The following CFAP47 variants were observed in gnomAD, a reference collection of about 807,000 sequenced individuals.
CFAP47 encodes the protein cilia and flagella associated protein 47, also known as cilia- and flagella-associated protein 47.
A neutral mutation model predicts 148.1 loss-of-function variants in CFAP47; 29 were observed. The ratio of observed to expected loss-of-function variants is 0.20; its 90% CI spans 0.15 to 0.27. CFAP47 has a LOEUF of 0.27. Among genes scored for constraint, CFAP47 ranks in the 10% least tolerant of loss-of-function variants. CFAP47 has a pLI of 1.00. For synonymous variants in CFAP47, 664 were observed against 577.3 expected (o/e 1.15, Z -2.15); for missense variants, 1,872 against 1,697.5 (o/e 1.10, Z -1.81).
chrX:36,034,100 A>G (rs1367701748), intron 23 of CFAP47, among the ~76,000 whole-genome samples: 1 of 111,826 alleles, frequency 8.9e-6, no homozygotes. Flanking sequence ...CAACCAGGAT[A>G]GCACATTGCA....
At chrX:36,070,728 G>A (rs1937735234) in intron 27 of CFAP47, among the ~76,000 whole-genome samples, 1 of 110,858 alleles carries the variant, frequency 9.0e-6, no homozygotes, top group African/African-American at 3.3e-5. Flanking sequence ...CTGACCTCAG[G>A]TGATCCGCCC....
At chrX:36,336,261 A>G (rs944239156) in intron 57 of CFAP47, among the ~76,000 whole-genome samples, 7 of 102,019 alleles carry the variant, frequency 6.9e-5, no homozygotes, top group African/African-American at 2.6e-4. Flanking sequence ...ACACACACAC[A>G]CACACACACA....
chrX:36,225,720 T>G (rs1555991416), intron 45 of CFAP47, among the ~76,000 whole-genome samples: 2 of 111,214 alleles, frequency 1.8e-5, no homozygotes, highest in Admixed American at 1.9e-4. Flanking sequence ...ATTGGGCCCA[T>G]GTACTTCTTG....
At position 36,085,462 on chromosome X, in the gene CFAP47, T is replaced by A. The variant is rs768543890; in HGVS notation, c.4840T>A (p.Ser1614Thr). The A allele has an allele frequency of 1.1e-5, 13 of 1,207,072 alleles. No individual in the cohort carries two copies. The highest frequency in any genetic ancestry group is 1.5e-5 in the Non-Finnish European group (13 of 892,208). ...GCCACCTGGAATTAATTCAAGTCAATCTTTACCTGTAGATAACCATGAAAA... is the reference window on the plus strand; with the variant it reads ...GCCACCTGGAATTAATTCAAGTCAAACTTTACCTGTAGATAACCATGAAAA... ...KMPPGINSSQ[S>T]LPVDNHEKRV... Residue 1614 changes from serine to threonine, a missense_variant, in exon 30 of 64, where the codon TCT (serine) becomes ACT (threonine). Physicochemically the swap from Ser to Thr is moderately conservative, Grantham distance 58. Coordinates refer to ENST00000378653, the MANE Select transcript of CFAP47 (RefSeq NM_001304548.2).
At chrX:36,072,281 G>A (rs1937769958) in intron 28 of CFAP47, among the ~76,000 whole-genome samples, 2 of 111,916 alleles carry the variant, frequency 1.8e-5, no homozygotes, top group Non-Finnish European at 3.8e-5. Context: ...TAGTACTTAT[G>A]TGCTGTCTAA....
intron 25 of CFAP47, among the ~76,000 whole-genome samples, chrX:36,041,967 A>C (rs1054445775): frequency 5.5e-5 from 6 of 109,235 alleles, no homozygotes; most frequent in African/African-American, 2.0e-4. Flanking sequence ...CGTGTATGTA[A>C]GATAGATCAT....
chrX:36,120,731 A>G (rs1305984769), intron 33 of CFAP47, among the ~76,000 whole-genome samples: 1 of 107,180 alleles, frequency 9.3e-6, no homozygotes, highest in Non-Finnish European at 1.9e-5. Context: ...AAGATGCTTG[A>G]TATGATTCAT....
intron 45 of CFAP47, among the ~76,000 whole-genome samples, chrX:36,210,151 G>T (rs1323488564): frequency 5.3e-5 from 6 of 112,276 alleles, no homozygotes; most frequent in Non-Finnish European, 9.4e-5. Flanking sequence ...CATGAATAAT[G>T]CTGCTATCAA....
chrX:35,957,684 C>T (rs1936266887), intron 8 of CFAP47, among the ~76,000 whole-genome samples: 1 of 111,896 alleles, frequency 8.9e-6, no homozygotes, highest in Non-Finnish European at 1.9e-5. Context: ...TCTTTCAAAA[C>T]ATATCTAATA....
intron 30 of CFAP47, among the ~76,000 whole-genome samples, chrX:36,091,538 A>T (rs1304238835): frequency 9.0e-6 from 1 of 111,703 alleles, no homozygotes; most frequent in Non-Finnish European, 1.9e-5. Context: ...ATTTAAATCT[A>T]TACCAATTTG....
rs183370307 is a variant in CFAP47 at position 36,029,748 on chromosome X, G to A, written c.3557-1505G>A. ...ATGTCATATATGTGTATATATATGC[G>A]TATATATATTTATTTATTATCTTAG... On this transcript the variant is annotated intron_variant, in intron 22 of 63. Coordinates refer to ENST00000378653, the MANE Select transcript of CFAP47 (RefSeq NM_001304548.2). Among the ~76,000 whole-genome samples, 607 of 109,345 alleles carry A rather than the reference G, an allele frequency of 5.6e-3. 6 individuals are homozygous for A. Among genetic ancestry groups the A allele is most frequent in the African/African-American group, 0.018 (559 of 30,307 alleles). The allele number at this position is 109,345 out of a possible 115,157, so 95.0% of individuals were successfully genotyped here.
chrX:36,214,829 T>C (rs1490948237), intron 45 of CFAP47, among the ~76,000 whole-genome samples: 9 of 111,053 alleles, frequency 8.1e-5, no homozygotes, highest in African/African-American at 2.9e-4. Flanking sequence ...CAATATTTTA[T>C]TTTGGAATAC....
At chrX:36,052,465 C>G (rs921054384) in intron 26 of CFAP47, among the ~76,000 whole-genome samples, 1 of 111,888 alleles carries the variant, frequency 8.9e-6, no homozygotes, top group African/African-American at 3.2e-5. Flanking sequence ...AATTAGAATT[C>G]TTACATTTTT....
At chrX:36,103,574 T>C (rs1272776764) in intron 32 of CFAP47, among the ~76,000 whole-genome samples, 1 of 101,745 alleles carries the variant, frequency 9.8e-6, no homozygotes, top group Non-Finnish European at 2.0e-5. Context: ...TAAGCAAGCT[T>C]CAGAATGTAA....
intron 36 of CFAP47, among the ~76,000 whole-genome samples, chrX:36,148,901 A>ATGTGTGTGTGTGTGTGTGTGTGTGTG: frequency 1.1e-5 from 1 of 92,268 alleles, no homozygotes; most frequent in African/African-American, 4.1e-5. Flanking sequence ...AACTGTATGT[A>ATGTGTGTGTGTGTGTGTGTGTGTGTG]TGTGTGTGTG....
At chrX:36,100,537 G>T (rs2146792364) in intron 32 of CFAP47, among the ~76,000 whole-genome samples, 1 of 111,942 alleles carries the variant, frequency 8.9e-6, no homozygotes, top group Non-Finnish European at 1.9e-5. Flanking sequence ...TTCAGTGCTT[G>T]AATAATTCCT....
At chrX:36,302,254 T>A (rs1196472958) in intron 53 of CFAP47, among the ~76,000 whole-genome samples, 1 of 110,770 alleles carries the variant, frequency 9.0e-6, no homozygotes, top group Non-Finnish European at 1.9e-5. Context: ...AAAGAACAAA[T>A]TCATGATTTA....
At position 36,228,832 on chromosome X, in the gene CFAP47, T is replaced by C. The variant is rs1269673612; in HGVS notation, c.7014+8T>C. 2 of 513,774 alleles carry C rather than the reference T, an allele frequency of 3.9e-6. No homozygotes were observed. The highest frequency in any genetic ancestry group is 2.3e-5 in the African/African-American group (1 of 42,719). 42.3% of individuals were successfully genotyped at this position (513,774 alleles called of 1,213,427 possible). On this transcript the variant is annotated splice_region_variant and intron_variant, in intron 46 of 63. Coordinates refer to ENST00000378653, the MANE Select transcript of CFAP47 (RefSeq NM_001304548.2). ...ACTCAGAATATTCCAATAGTATGTATAAACTTTTTTGGTACCTTTCTTTAT... is the reference window on the plus strand; with the variant it reads ...ACTCAGAATATTCCAATAGTATGTACAAACTTTTTTGGTACCTTTCTTTAT...
Position 36,121,793 on chromosome X carries a change from T to C in CFAP47, c.5321-16165T>C, listed in dbSNP as rs147681427. 9.3e-3 allele frequency among the ~76,000 whole-genome samples: 1,043 copies of C among 111,827 alleles called. 2 individuals carry two copies. Among genetic ancestry groups the C allele is most frequent in the Middle Eastern group, 0.033 (7 of 211 alleles). ...TAATTGGCTCATCATTCAGTCTTGA[T>C]ACATTGAAAGTGGAGTTTACACACC... is the stretch of plus-strand genomic sequence containing the variant. On this transcript the variant is annotated intron_variant, in intron 33 of 63. Transcript: ENST00000378653.
Sources: gnomAD v4.1 joint callset for allele counts (sites outside exome capture counted in the v4.1 genomes callset) on GRCh38, gnomAD v4.1.1 for gene constraint, MANE v1.5 for transcripts, NCBI Gene and HGNC (gene_info 2026-07-23, HGNC 2026-07-21) for gene names.